ITPKB: variants seen among roughly 807,000 people sequenced by gnomAD.
ITPKB encodes the protein inositol-trisphosphate 3-kinase B.
ITPKB carries 13 observed loss-of-function variants against 69.4 expected under a neutral mutation model. The ratio of observed to expected loss-of-function variants is 0.19; its 90% CI spans 0.12 to 0.30. The LOEUF is 0.30. Ranked by LOEUF, ITPKB falls within the 10% of genes least tolerant of loss-of-function variation. The pLI is 1.00. For synonymous variants in ITPKB, 584 were observed against 513.7 expected, an observed-to-expected ratio of 1.14 and a Z score of -1.85; for missense variants, 1,240 against 1,250.5, an observed-to-expected ratio of 0.99 and a Z score of 0.13.
intron 2 of ITPKB, among the ~76,000 whole-genome samples, chr1:226,692,124 CA>C (rs1200424403): frequency 2.0e-5 from 3 of 152,198 alleles, no homozygotes; most frequent in African/African-American, 7.2e-5. Flanking sequence ...AAGTTTTATA[CA>C]TGAGGAAATG....
intron 2 of ITPKB, among the ~76,000 whole-genome samples, chr1:226,728,217 A>G (rs1009332101): frequency 6.6e-6 from 1 of 152,330 alleles, no homozygotes; most frequent in African/African-American, 2.4e-5. Flanking sequence ...GTGGGGCAAA[A>G]TAGAAGTAAA....
intron 2 of ITPKB, among the ~76,000 whole-genome samples, chr1:226,711,069 A>C (rs1210210728): frequency 6.6e-6 from 1 of 152,228 alleles, no homozygotes; most frequent in East Asian, 1.9e-4. Flanking sequence ...ATTAAGAGAC[A>C]TCTTATTAAG....
Position 226,700,368 on chromosome 1 carries a change from C to T in ITPKB, c.1932+35159G>A, listed in dbSNP as rs138376875. Among the ~76,000 whole-genome samples, 477 of 144,304 alleles carry T rather than the reference C, an allele frequency of 3.3e-3. 3 individuals are homozygous for T. The highest frequency in any genetic ancestry group is 0.023 in the South Asian group (102 of 4,496). 94.7% of individuals were successfully genotyped at this position (144,304 alleles called of 152,430 possible). On this transcript the variant is annotated intron_variant, in intron 2 of 7. Coordinates refer to ENST00000429204, the MANE Select transcript of ITPKB (RefSeq NM_002221.4). ...CTTGTAGTCCCACCTACTCGGGAGG[C>T]TGAGACAGGGGAATCACTTGAATCC...
chr1:226,640,557 T>C (rs1309707412), intron 5 of ITPKB, among the ~76,000 whole-genome samples: 1 of 152,164 alleles, frequency 6.6e-6, no homozygotes, highest in Non-Finnish European at 1.5e-5. Context: ...GACAGCTGGC[T>C]TCTCTCTGAG....
intron 2 of ITPKB, chr1:226,707,897 A>G (rs774107621): frequency 2.0e-5 from 26 of 1,332,468 alleles, no homozygotes; most frequent in Non-Finnish European, 2.5e-5. Flanking sequence ...CACTGAGGGG[A>G]ACACTTCCCA....
intron 2 of ITPKB, among the ~76,000 whole-genome samples, chr1:226,686,698 A>G (rs1395269744): frequency 6.6e-6 from 1 of 152,236 alleles, no homozygotes; most frequent in African/African-American, 2.4e-5. Flanking sequence ...CATGTCTCCC[A>G]TCTGGATTCT....
rs1668782161 is a variant in ITPKB at position 226,634,301 on chromosome 1, G to C, written c.*370C>G. 2 of 204,738 alleles carry C rather than the reference G, an allele frequency of 9.8e-6. No individual in the cohort carries two copies. Among genetic ancestry groups the C allele is most frequent in the African/African-American group, 2.3e-5 (1 of 43,594 alleles). 12.7% of individuals were successfully genotyped at this position (204,738 alleles called of 1,614,324 possible). On this transcript the variant is annotated 3_prime_UTR_variant, in exon 8 of 8. Coordinates refer to ENST00000429204, the MANE Select transcript of ITPKB (RefSeq NM_002221.4). The surrounding 1 kb of genome is among the most constrained non-coding windows in gnomAD (Gnocchi z 6.3). ...CACTCTAACAGCACTGGCCGCCAGGGGGCAGCAGGCCTCCGCAGGTGGTAG... is the reference window on the plus strand; with the variant it reads ...CACTCTAACAGCACTGGCCGCCAGGCGGCAGCAGGCCTCCGCAGGTGGTAG...
At chr1:226,713,059 C>T (rs1191254863) in intron 2 of ITPKB, among the ~76,000 whole-genome samples, 1 of 151,982 alleles carries the variant, frequency 6.6e-6, no homozygotes, top group Admixed American at 6.5e-5. Flanking sequence ...TACACACATG[C>T]ATGCACACAC....
Position 226,633,227 on chromosome 1 carries a change from C to G in ITPKB, c.*1444G>C, listed in dbSNP as rs1668759926. On this transcript the variant is annotated 3_prime_UTR_variant, in exon 8 of 8. Coordinates refer to ENST00000429204, the MANE Select transcript of ITPKB (RefSeq NM_002221.4). ...TCCCGTGGGCAGGTTGACAGTTCCC[C>G]AGAGACCCCGGGGTGGTGGGGTGGG... is the stretch of plus-strand genomic sequence containing the variant. 1 of 152,262 alleles carries G rather than the reference C, an allele frequency of 6.6e-6. No homozygotes were observed. The highest frequency in any genetic ancestry group is 1.5e-5 in the Non-Finnish European group (1 of 68,080). 9.4% of individuals were successfully genotyped at this position (152,262 alleles called of 1,614,324 possible). A position where few individuals can be genotyped will look rare whatever the true frequency, so the allele number is the denominator to read the frequency against.
chr1:226,699,431 G>A (rs1161574736), intron 2 of ITPKB, among the ~76,000 whole-genome samples: 1 of 152,236 alleles, frequency 6.6e-6, no homozygotes, highest in Non-Finnish European at 1.5e-5. Flanking sequence ...GCAGGTCTGG[G>A]CTCTGAAGAA....
In ITPKB at chr1:226,649,862, A is replaced by C. The variant is rs184750226; in HGVS notation, c.1933-1091T>G. Among the ~76,000 whole-genome samples, 168 of 152,128 alleles carry C rather than the reference A, an allele frequency of 1.1e-3. 1 individual carries two copies. Among genetic ancestry groups the C allele is most frequent in the African/African-American group, 2.7e-3 (111 of 41,422 alleles). ...AAACAAAACAAAAAAACAAAAAAAA[A>C]ACATATTTTTAGAAAAAATATCCTT... On this transcript the variant is annotated intron_variant, in intron 2 of 7. Coordinates refer to ENST00000429204, the MANE Select transcript of ITPKB (RefSeq NM_002221.4).
At chr1:226,671,544 C>T (rs1669618298) in intron 2 of ITPKB, among the ~76,000 whole-genome samples, 1 of 152,226 alleles carries the variant, frequency 6.6e-6, no homozygotes, top group Non-Finnish European at 1.5e-5. Context: ...ATCCTTAAAG[C>T]AGCTTACATT....
intron 2 of ITPKB, among the ~76,000 whole-genome samples, chr1:226,720,427 G>A (rs923344953): frequency 2.0e-5 from 3 of 152,232 alleles, no homozygotes; most frequent in African/African-American, 7.2e-5. Context: ...CTGATGGGTG[G>A]CAGAGAGGAC....
At chr1:226,715,897 G>A (rs1382802173) in intron 2 of ITPKB, among the ~76,000 whole-genome samples, 5 of 152,162 alleles carry the variant, frequency 3.3e-5, no homozygotes, top group African/African-American at 9.6e-5. Flanking sequence ...TGAAACCTCC[G>A]CCTCCCAGGT....
intron 2 of ITPKB, among the ~76,000 whole-genome samples, chr1:226,654,555 A>G (rs1305894150): frequency 6.6e-6 from 1 of 152,200 alleles, no homozygotes; most frequent in East Asian, 1.9e-4. Context: ...ACAGAGCCAT[A>G]AAACAGACCC....
chr1:226,733,276 A>T (rs567430646), intron 2 of ITPKB, among the ~76,000 whole-genome samples: 36 of 152,280 alleles, frequency 2.4e-4, no homozygotes, highest in Non-Finnish European at 3.4e-4. Context: ...AGAATGCTAC[A>T]TCAGTTTGGT....
chr1:226,698,593 A>G (rs1216265296), intron 2 of ITPKB, among the ~76,000 whole-genome samples: 2 of 152,226 alleles, frequency 1.3e-5, no homozygotes, highest in Admixed American at 6.5e-5. Flanking sequence ...GAGGCTGGAG[A>G]AAAATGGAAG....
intron 2 of ITPKB, among the ~76,000 whole-genome samples, chr1:226,661,998 T>C (rs1172148111): frequency 1.3e-5 from 2 of 152,196 alleles, no homozygotes; most frequent in South Asian, 4.1e-4. Context: ...ACAGAGTCTT[T>C]CTGGAACTCC....
In ITPKB at chr1:226,735,998, A is replaced by G. The variant is rs1377319423; in HGVS notation, c.1461T>C (p.Asp487=). 1 of 1,613,784 alleles carries G rather than the reference A, an allele frequency of 6.2e-7. No homozygotes were observed. Among genetic ancestry groups the G allele is most frequent in the African/African-American group, 1.3e-5 (1 of 74,924 alleles). Residue 487 remains aspartate (D), a synonymous_variant, in exon 2 of 8, where the codon GAT becomes GAC. Transcript: ENST00000429204. ...EPLPCWDAAK[D]LKEPQCPPGD... ...CAGGAGGGCACTGAGGTTCTTTCAGATCTTTCGCAGCGTCCCAACAGGGCA... is the reference window on the plus strand; with the variant it reads ...CAGGAGGGCACTGAGGTTCTTTCAGGTCTTTCGCAGCGTCCCAACAGGGCA...
Sources: gnomAD v4.1 joint callset for allele counts (sites outside exome capture counted in the v4.1 genomes callset) on GRCh38, gnomAD v4.1.1 for gene constraint, Gnocchi (gnomAD v3.1) non-coding constraint, MANE v1.5 for transcripts, NCBI Gene and HGNC (gene_info 2026-07-23, HGNC 2026-07-21) for gene names.